GFRA2: variants seen among roughly 807,000 people sequenced by gnomAD.
GFRA2 encodes GDNF family receptor alpha-2.
In GFRA2, 17 loss-of-function variants were observed where a neutral mutation model predicts 48.3. The observed-to-expected ratio is 0.35, with a 90% CI of 0.24 to 0.53. The LOEUF (loss-of-function observed/expected upper bound fraction) is 0.53. Ranked by LOEUF, GFRA2 falls within the 20% of genes least tolerant of loss-of-function variation. The pLI is 0.93. For missense variants in GFRA2, 660 were observed against 637.3 expected (o/e 1.04, Z -0.38); for synonymous variants, 305 against 257.2 (o/e 1.19, Z -1.78).
In GFRA2 at chr8:21,712,742, C is replaced by T. The variant is rs568923892; in HGVS notation, c.795-6701G>A. Among the ~76,000 whole-genome samples, 105 of 152,350 alleles carry T rather than the reference C, an allele frequency of 6.9e-4. 1 individual carries two copies. In the Middle Eastern group the frequency reaches 0.014, roughly 20 times the overall value. Reference sequence around the variant, plus strand: ...ATTGAGCACTGAGTGAACGAGACTCCGTCTGCAATCACGGCACCTCGGGAG... The same window carrying T: ...ATTGAGCACTGAGTGAACGAGACTCTGTCTGCAATCACGGCACCTCGGGAG... On this transcript the variant is annotated intron_variant, in intron 4 of 8. Transcript: ENST00000524240.
At position 21,744,817 on chromosome 8, in the gene GFRA2, C is replaced by A. The variant is rs530293420; in HGVS notation, c.794+5771G>T. On this transcript the variant is annotated intron_variant, in intron 4 of 8. Coordinates refer to ENST00000524240, the MANE Select transcript of GFRA2 (RefSeq NM_001495.5). ...ATGCTCACTTAGCTTAAGTCCACAGCCCTAAGGCTCGTGCGATATGAACCA... is the reference window on the plus strand; with the variant it reads ...ATGCTCACTTAGCTTAAGTCCACAGACCTAAGGCTCGTGCGATATGAACCA... Among the ~76,000 whole-genome samples, 257 of 152,270 alleles carry A rather than the reference C, an allele frequency of 1.7e-3. 1 individual carries two copies. Among genetic ancestry groups the A allele is most frequent in the African/African-American group, 5.9e-3 (246 of 41,534 alleles).
At position 21,693,251 on chromosome 8, in the gene GFRA2, A is replaced by T. The variant is rs540673864; in HGVS notation, c.*27T>A. On this transcript the variant is annotated 3_prime_UTR_variant, in exon 9 of 9. Transcript: ENST00000524240. ...GCTGTTCTTGTCTGCGTAGCTTTCA[A>T]AAATATTCTGACTCGGTTCCCACAG... The T allele has an allele frequency of 8.8e-6, 14 of 1,596,370 alleles. No homozygotes were observed. The South Asian group carries it at 1.6e-4, about 18-fold the overall frequency.
intron 4 of GFRA2, among the ~76,000 whole-genome samples, chr8:21,730,176 G>A (rs924301009): frequency 6.6e-6 from 1 of 152,108 alleles, no homozygotes; most frequent in Non-Finnish European, 1.5e-5. Context: ...AGGCTGAGGT[G>A]GGTGGATCAT....
chr8:21,714,263 T>C (rs1217733131), intron 4 of GFRA2, among the ~76,000 whole-genome samples: 3 of 142,324 alleles, frequency 2.1e-5, no homozygotes, highest in Non-Finnish European at 4.6e-5. Flanking sequence ...TTTTTTTTTT[T>C]TTTTTTGAGA....
At chr8:21,783,155 C>G in intron 1 of GFRA2, 2 of 660,132 alleles carry the variant, frequency 3.0e-6, no homozygotes, top group Non-Finnish European at 5.6e-6. Context: ...AGGAGCACAG[C>G]ACAATAAAGC....
chr8:21,793,444 G>A (rs1807613128), upstream of GFRA2, among the ~76,000 whole-genome samples: 1 of 152,112 alleles, frequency 6.6e-6, no homozygotes, highest in East Asian at 1.9e-4. Context: ...TGGAACACAG[G>A]GAGAGTCGCC....
chr8:21,704,213 G>A (rs1030459345), intron 6 of GFRA2, among the ~76,000 whole-genome samples: 4 of 152,204 alleles, frequency 2.6e-5, no homozygotes, highest in African/African-American at 4.8e-5. Context: ...TCAACTGACC[G>A]ATGCCCAGCT....
intron 2 of GFRA2, chr8:21,780,913 G>A (rs1806952418): frequency 6.6e-6 from 1 of 152,094 alleles, no homozygotes; most frequent in African/African-American, 2.4e-5. Flanking sequence ...CTTGAGCCCG[G>A]GAGTTTGAGA....
intron 4 of GFRA2, among the ~76,000 whole-genome samples, chr8:21,723,705 A>G (rs981158519): frequency 2.6e-4 from 39 of 152,264 alleles, no homozygotes; most frequent in African/African-American, 9.1e-4. Context: ...CCCCTGGGAA[A>G]TTTTGCAGCA....
chr8:21,759,748 G>A (rs1016529710), intron 3 of GFRA2, among the ~76,000 whole-genome samples: 7 of 152,062 alleles, frequency 4.6e-5, no homozygotes, highest in Middle Eastern at 3.4e-3. Flanking sequence ...AATGAGCCGA[G>A]TGTGGTGGCA....
At chr8:21,708,980 G>A (rs1439813505) in intron 4 of GFRA2, among the ~76,000 whole-genome samples, 2 of 152,172 alleles carry the variant, frequency 1.3e-5, no homozygotes, top group Admixed American at 6.5e-5. Context: ...TTGGCCAAAT[G>A]TCTCCCTCCA....
chr8:21,811,524 C>T (rs1402117111), intron 1 of GFRA2, among the ~76,000 whole-genome samples: 1 of 152,156 alleles, frequency 6.6e-6, no homozygotes, highest in African/African-American at 2.4e-5. Context: ...TCTGGTGCCT[C>T]CCGGGTCCTC....
intron 4 of GFRA2, among the ~76,000 whole-genome samples, chr8:21,744,325 T>C (rs74834441): frequency 0.028 from 4,255 of 152,248 alleles, 115 homozygotes; most frequent in East Asian, 0.1. Flanking sequence ...AGGGCCCAGG[T>C]TGCCAGGGTA....
chr8:21,799,595 A>T (rs1807737228), intron 2 of GFRA2, among the ~76,000 whole-genome samples: 1 of 152,226 alleles, frequency 6.6e-6, no homozygotes, highest in African/African-American at 2.4e-5. Flanking sequence ...GACTCAGTCC[A>T]TTCATGGGAG....
chr8:21,744,550 A>AACACACACAC lies in GFRA2; in HGVS notation c.794+6028_794+6037dup, dbSNP rs71721911. ...CTCCCACGACCCCCCAACCACCACC[A>AACACACACAC]ACACACACACACACACACACACACA... is the stretch of plus-strand genomic sequence containing the variant. On this transcript the variant is annotated intron_variant, in intron 4 of 8. Transcript: ENST00000524240. Among the ~76,000 whole-genome samples, 886 of 140,200 alleles carry AACACACACAC rather than the reference A, an allele frequency of 6.3e-3. 13 individuals are homozygous for AACACACACAC. Among genetic ancestry groups the AACACACACAC allele is most frequent in the African/African-American group, 0.016 (569 of 34,620 alleles). The allele number at this position is 140,200 out of a possible 152,430, so 92.0% of individuals were successfully genotyped here.
chr8:21,742,236 G>A (rs1364980311), intron 4 of GFRA2, among the ~76,000 whole-genome samples: 3 of 152,204 alleles, frequency 2.0e-5, no homozygotes, highest in African/African-American at 4.8e-5. Flanking sequence ...GGGCCTTTGG[G>A]AGGTGATTAG....
chr8:21,702,677 G>T, intron 7 of GFRA2, 128 bp downstream of exon 7: 2 of 848,792 alleles, frequency 2.4e-6, no homozygotes, highest in Non-Finnish European at 3.5e-6. Flanking sequence ...ACCCCCGGCA[G>T]CTCCTCCCTG....
At chr8:21,788,915 C>G, upstream of GFRA2, 1 of 505,710 alleles carries the variant, frequency 2.0e-6, no homozygotes, top group Non-Finnish European at 2.6e-6. Context: ...CCCACTCTCC[C>G]TGCTCCTCCC....
At chr8:21,791,259 G>C (rs1807568676), upstream of GFRA2, among the ~76,000 whole-genome samples, 1 of 152,162 alleles carries the variant, frequency 6.6e-6, no homozygotes, top group Admixed American at 6.5e-5. Context: ...TTCTCACTGA[G>C]CTCCCACGGG....
Sources: allele counts gnomAD v4.1 joint callset (sites outside exome capture counted in the v4.1 genomes callset), GRCh38; gene constraint gnomAD v4.1.1; transcripts MANE v1.5; gene names NCBI Gene and HGNC (gene_info 2026-07-23, HGNC 2026-07-21).